NEFL: variants seen among roughly 807,000 people sequenced by gnomAD.
NEFL encodes the protein neurofilament light chain.
A neutral mutation model predicts 51.6 loss-of-function variants in NEFL; 36 were observed. The ratio of observed to expected loss-of-function variants is 0.70; its 90% confidence interval spans 0.53 to 0.92. The LOEUF (loss-of-function observed/expected upper bound fraction) is 0.92, where lower values mean the gene tolerates loss of function less well. NEFL is among the 40% of genes least tolerant of loss of function. The probability of loss-of-function intolerance (pLI) is 0.00; values close to 1 mark genes in which losing one functional copy is unlikely to be tolerated. For synonymous variants in NEFL, 332 were observed against 302.5 expected, an observed-to-expected ratio of 1.10 and a Z score of -1.01; for missense variants, 671 against 722.0, an observed-to-expected ratio of 0.93 and a Z score of 0.81.
At position 24,956,597 on chromosome 8, in the gene NEFL, A is replaced by G; in HGVS notation, c.-82T>C. 1.5e-6 allele frequency: 2 copies of G among 1,330,782 alleles called. No individual in the cohort carries two copies. The highest frequency in any genetic ancestry group is 2.1e-6 in the Non-Finnish European group (2 of 948,790). 82.4% of individuals were successfully genotyped at this position (1,330,782 alleles called of 1,614,324 possible). ...ACAGGGGAGAGAGGGAAGGGGGAGG[A>G]TGGATGGCTGTGTGCGGCTCGGCGC... On this transcript the variant is annotated 5_prime_UTR_variant, in exon 1 of 4. Transcript: ENST00000610854. The surrounding 1 kb of genome is among the most constrained non-coding windows in gnomAD (Gnocchi z 5.9).
At chr8:24,954,732 A>G (rs1368032680) in intron 1 of NEFL, among the ~76,000 whole-genome samples, 1 of 152,164 alleles carries the variant, frequency 6.6e-6, no homozygotes, top group East Asian at 1.9e-4. Context: ...ATTTTCTATG[A>G]AATATTTCCT....
chr8:24,956,370 G>A lies in NEFL; in HGVS notation c.146C>T (p.Ser49Phe), dbSNP rs779764890. ...GTAGCTGCGGCGCACGGACAGCGAGGAAGACACCGGCGCCGAGTAGCTGGA... is the reference window on the plus strand; with the variant it reads ...GTAGCTGCGGCGCACGGACAGCGAGAAAGACACCGGCGCCGAGTAGCTGGA... ...AYSSYSAPVS[S>F]SLSVRRSYSS... Residue 49 changes from serine (S) to phenylalanine (F), a missense_variant, in exon 1 of 4, where the codon TCC (serine) becomes TTC (phenylalanine). Coordinates refer to ENST00000610854, the MANE Select transcript of NEFL (RefSeq NM_006158.5). This position sits in a 1 kb window ranked among gnomAD's most constrained non-coding sequence, Gnocchi z 5.9. The A allele has an allele frequency of 1.2e-6, 2 of 1,607,220 alleles. No homozygotes were observed. Among genetic ancestry groups the A allele is most frequent in the African/African-American group, 1.3e-5 (1 of 74,924 alleles).
At chr8:24,954,379 T>C (rs1340551666) in intron 1 of NEFL, 74 bp from the exon 2 acceptor site, 2 of 1,542,510 alleles carry the variant, frequency 1.3e-6, no homozygotes, top group East Asian at 2.3e-5. Flanking sequence ...TGTAGTGTAG[T>C]TGCAAAGGCC....
In NEFL at chr8:24,954,258, T is replaced by C. The variant is rs866839546; in HGVS notation, c.1092A>G (p.Glu364=). 1 of 1,613,970 alleles carries C rather than the reference T, an allele frequency of 6.2e-7. No individual in the cohort carries two copies. The highest frequency in any genetic ancestry group is 8.5e-7 in the Non-Finnish European group (1 of 1,179,880). The change falls in exon 2 of 4, where the codon GAA becomes GAG. Residue 364 remains glutamate, a synonymous_variant. Coordinates refer to ENST00000610854, the MANE Select transcript of NEFL (RefSeq NM_006158.5). ...GGTATTCTTTTAGGTATCGTGCCAT[T>C]TCACTCTTTGTGGTCCTCAATTCAT... ...LENELRTTKS[E]MARYLKEYQD...
chr8:24,955,595 C>T lies in NEFL; in HGVS notation c.921G>A (p.Glu307=). ...AVRAAKDEVS[E]SRRLLKAKTL... Reference sequence around the variant, plus strand: ...TCTTGGCCTTGAGCAGACGACGGCTCTCGGACACCTCGTCCTTGGCGGCGC... The same window carrying T: ...TCTTGGCCTTGAGCAGACGACGGCTTTCGGACACCTCGTCCTTGGCGGCGC... The change falls in exon 1 of 4, where the codon GAG becomes GAA. Residue 307 remains glutamate, a synonymous_variant. Coordinates refer to ENST00000610854, the MANE Select transcript of NEFL (RefSeq NM_006158.5). The surrounding 1 kb of genome is among the most constrained non-coding windows in gnomAD (Gnocchi z 4.0). The T allele has an allele frequency of 6.2e-7, 1 of 1,613,864 alleles. No homozygotes were observed. Among genetic ancestry groups the T allele is most frequent in the Non-Finnish European group, 8.5e-7 (1 of 1,179,886 alleles).
chr8:24,956,330 T>C lies in NEFL; in HGVS notation c.186A>G (p.Gly62=). ...SVRRSYSSSS[G]SLMPSLENLD... is the part of the protein sequence containing the mutation. ...GGTTCTCCAGACTGGGCATCAACGA[T>C]CCAGAGCTGGAGGAGTAGCTGCGGC... The change falls in exon 1 of 4, where the codon GGA becomes GGG. Residue 62 remains glycine, a synonymous_variant. Coordinates refer to ENST00000610854, the MANE Select transcript of NEFL (RefSeq NM_006158.5). This position sits in a 1 kb window ranked among gnomAD's most constrained non-coding sequence, Gnocchi z 5.9. 1.2e-6 allele frequency: 2 copies of C among 1,610,350 alleles called. No individual in the cohort carries two copies. Among genetic ancestry groups the C allele is most frequent in the Non-Finnish European group, 8.5e-7 (1 of 1,178,428 alleles).
At chr8:24,954,376 T>TA in intron 1 of NEFL, 71 bp from the exon 2 acceptor site, 1 of 1,563,204 alleles carries the variant, frequency 6.4e-7, no homozygotes, top group Non-Finnish European at 8.7e-7. Flanking sequence ...TACTGTAGTG[T>TA]AGTTGCAAAG....
At chr8:24,953,454 C>T in intron 3 of NEFL, 22 bp downstream of exon 3, 5 of 1,549,632 alleles carry the variant, frequency 3.2e-6, no homozygotes, top group Non-Finnish European at 4.4e-6. Context: ...CTTGAAGTTG[C>T]AGGGGTTTTT....
chr8:24,953,437 G>C (rs375386929), intron 3 of NEFL, 39 bp downstream of exon 3: 7 of 1,545,802 alleles, frequency 4.5e-6, no homozygotes, highest in Non-Finnish European at 6.1e-6. Context: ...TCCACACCCA[G>C]TTTACACTTG....
In NEFL at chr8:24,956,552, T is replaced by G. The variant is rs764769970; in HGVS notation, c.-37A>C. On this transcript the variant is annotated 5_prime_UTR_variant, in exon 1 of 4. Coordinates refer to ENST00000610854, the MANE Select transcript of NEFL (RefSeq NM_006158.5). The surrounding 1 kb of genome is among the most constrained non-coding windows in gnomAD (Gnocchi z 5.9). ...GTGGCTCCCCGGCCCGCGGCGGCGG[T>G]GGGAGCCCGGAGAGAGAGGACAGGG... The G allele has an allele frequency of 2.4e-5, 38 of 1,551,316 alleles. No homozygotes were observed. Among genetic ancestry groups the G allele is most frequent in the Non-Finnish European group, 1.7e-6 (2 of 1,145,300 alleles).
At chr8:24,954,005 T>C (rs1156512938) in intron 2 of NEFL, 176 bp downstream of exon 2, 3 of 1,182,522 alleles carry the variant, frequency 2.5e-6, no homozygotes, top group African/African-American at 1.5e-5. Context: ...GACTCCTAAT[T>C]ACAGGGTTAA....
In NEFL at chr8:24,955,312, C is replaced by A; in HGVS notation, c.1044+160G>T. The A allele has an allele frequency of 1.4e-6, 1 of 708,656 alleles. No individual in the cohort carries two copies. The highest frequency in any genetic ancestry group is 2.3e-6 in the Non-Finnish European group (1 of 437,238). The allele number at this position is 708,656 out of a possible 1,614,324, so 43.9% of individuals were successfully genotyped here. A position where few individuals can be genotyped will look rare whatever the true frequency, so the allele number is the denominator to read the frequency against. ...CTACAGTGGCGCCCGCACTCACGCC[C>A]TTCAAGTGCCCCACCCCTCCCACAC... On this transcript the variant is annotated intron_variant, in intron 1 of 3. Coordinates refer to ENST00000610854, the MANE Select transcript of NEFL (RefSeq NM_006158.5). This position sits in a 1 kb window ranked among gnomAD's most constrained non-coding sequence, Gnocchi z 4.0.
At position 24,955,666 on chromosome 8, in the gene NEFL, A is replaced by T; in HGVS notation, c.850T>A (p.Phe284Ile). The T allele has an allele frequency of 6.2e-7, 1 of 1,613,692 alleles. No individual in the cohort carries two copies. Among genetic ancestry groups the T allele is most frequent in the Non-Finnish European group, 8.5e-7 (1 of 1,179,850 alleles). The change falls in exon 1 of 4, where the codon TTC becomes ATC. Residue 284 changes from phenylalanine to isoleucine, a missense_variant. Coordinates refer to ENST00000610854, the MANE Select transcript of NEFL (RefSeq NM_006158.5). The surrounding 1 kb of genome is among the most constrained non-coding windows in gnomAD (Gnocchi z 4.0). Reference protein sequence around the residue: ...QNAEEWFKSRFTVLTESAAKN... With the variant: ...QNAEEWFKSRITVLTESAAKN... ...GCGGCGCTCTCGGTCAGCACGGTGA[A>T]GCGGCTCTTGAACCATTCCTCAGCG...
In NEFL at chr8:24,956,030, G is replaced by T; in HGVS notation, c.486C>A (p.Gly162=). The change falls in exon 1 of 4, where the codon GGC becomes GGA. Residue 162 remains glycine, a synonymous_variant. Coordinates refer to ENST00000610854, the MANE Select transcript of NEFL (RefSeq NM_006158.5). This position sits in a 1 kb window ranked among gnomAD's most constrained non-coding sequence, Gnocchi z 5.9. ...DATNEKQALQ[G]EREGLEETLR... Reference sequence around the variant, plus strand: ...GGGTCTCCTCCAGCCCTTCGCGCTCGCCCTGGAGCGCCTGCTTCTCGTTGG... The same window carrying T: ...GGGTCTCCTCCAGCCCTTCGCGCTCTCCCTGGAGCGCCTGCTTCTCGTTGG... The T allele has an allele frequency of 6.2e-7, 1 of 1,604,058 alleles. No homozygotes were observed. The highest frequency in any genetic ancestry group is 8.5e-7 in the Non-Finnish European group (1 of 1,178,882).
Position 24,956,438 on chromosome 8 carries a change from G to C in NEFL, c.78C>G (p.Ile26Met). The change falls in exon 1 of 4, where the codon ATC becomes ATG. Residue 26 changes from isoleucine to methionine, a missense_variant. Transcript: ENST00000610854. The surrounding 1 kb of genome is among the most constrained non-coding windows in gnomAD (Gnocchi z 5.9). ...TGCTGTAGCCGCTGCGCACGCTGGA[G>C]ATGTGCACCCGGGGCGTCTCCACGT... ...RRYVETPRVH[I>M]SSVRSGYSTA... is the part of the protein sequence containing the mutation. The C allele has an allele frequency of 1.2e-6, 2 of 1,603,956 alleles. No homozygotes were observed. The highest frequency in any genetic ancestry group is 1.7e-6 in the Non-Finnish European group (2 of 1,175,978).
chr8:24,956,126 G>A lies in NEFL; in HGVS notation c.390C>T (p.Ser130=), dbSNP rs1430281104. The part of the protein sequence containing the change: ...AELLVLRQKH[S]EPSRFRALYE... The stretch of plus-strand genomic sequence containing the variant: ...ACAGCGCCCGGAAGCGGGATGGCTC[G>A]GAGTGCTTCTGGCGCAGCACCAGCA... The change falls in exon 1 of 4, where the codon TCC becomes TCT. Residue 130 remains serine (S), a synonymous_variant. Coordinates refer to ENST00000610854, the MANE Select transcript of NEFL (RefSeq NM_006158.5). The surrounding 1 kb of genome is among the most constrained non-coding windows in gnomAD (Gnocchi z 5.9). 2.5e-6 allele frequency: 4 copies of A among 1,608,724 alleles called. No homozygotes were observed. Among genetic ancestry groups the A allele is most frequent in the Non-Finnish European group, 2.5e-6 (3 of 1,178,910 alleles).
chr8:24,953,980 A>G, intron 2 of NEFL, 185 bp from the exon 3 acceptor site: 1 of 1,183,156 alleles, frequency 8.5e-7, no homozygotes, highest in South Asian at 1.6e-5. Flanking sequence ...AAGTGTAATG[A>G]CAAGATAAAA....
At position 24,955,221 on chromosome 8, in the gene NEFL, A is replaced by T; in HGVS notation, c.1044+251T>A. On this transcript the variant is annotated intron_variant, in intron 1 of 3. Coordinates refer to ENST00000610854, the MANE Select transcript of NEFL (RefSeq NM_006158.5). The surrounding 1 kb of genome is among the most constrained non-coding windows in gnomAD (Gnocchi z 4.0). ...CAATTCCCACGTCTTCCCCTCCCCC[A>T]CCCAACAAGGGCTGGGCAGCTTTAA... 1.2e-5 allele frequency: 4 copies of T among 321,956 alleles called. No homozygotes were observed. Among genetic ancestry groups the T allele is most frequent in the Non-Finnish European group, 1.7e-5 (3 of 176,562 alleles). 19.9% of individuals were successfully genotyped at this position (321,956 alleles called of 1,614,324 possible).
Position 24,955,820 on chromosome 8 carries a change from G to T in NEFL, c.696C>A (p.Ala232=). 2 of 1,611,830 alleles carry T rather than the reference G, an allele frequency of 1.2e-6. No individual in the cohort carries two copies. The change falls in exon 1 of 4, where the codon GCC becomes GCA. Residue 232 remains alanine (A), a synonymous_variant. Coordinates refer to ENST00000610854, the MANE Select transcript of NEFL (RefSeq NM_006158.5). This position sits in a 1 kb window ranked among gnomAD's most constrained non-coding sequence, Gnocchi z 4.0. ...FLKKVHEEEI[A]ELQAQIQYAQ... ...CGTACTGGATCTGCGCCTGCAGTTC[G>T]GCGATCTCCTCTTCGTGCACTTTCT...
Sources: allele counts gnomAD v4.1 joint callset (sites outside exome capture counted in the v4.1 genomes callset), GRCh38; gene constraint gnomAD v4.1.1; non-coding constraint Gnocchi (gnomAD v3.1); transcripts MANE v1.5; gene names NCBI Gene and HGNC (gene_info 2026-07-23, HGNC 2026-07-21).